Variants in EMID1 observed in about 807,000 individuals in gnomAD.
EMID1 encodes the protein EMI domain containing 1, also known as EMI domain-containing protein 1.
A neutral mutation model predicts 60.6 loss-of-function variants in EMID1; 40 were observed. The observed-to-expected ratio is 0.66, with a 90% CI of 0.51 to 0.86. EMID1 has a LOEUF of 0.86. Among genes scored for constraint, EMID1 ranks in the 40% least tolerant of loss-of-function variants. The probability of loss-of-function intolerance (pLI) is 0.00; values close to 1 mark genes in which losing one functional copy is unlikely to be tolerated. For missense variants in EMID1, 585 were observed against 597.1 expected (o/e 0.98, Z 0.21); for synonymous variants, 242 against 231.0 (o/e 1.05, Z -0.43).
chr22:29,243,604 A>G, intron 13 of EMID1, 115 bp downstream of exon 13: 3 of 1,214,380 alleles, frequency 2.5e-6, no homozygotes, highest in Non-Finnish European at 3.6e-6. Flanking sequence ...CATCCCCACT[A>G]CAGCCTGGTC....
intron 13 of EMID1, among the ~76,000 whole-genome samples, chr22:29,252,969 A>G (rs1158209121): frequency 2.6e-5 from 4 of 152,230 alleles, no homozygotes; most frequent in Admixed American, 6.5e-5. Context: ...CAAGTTCTCC[A>G]AAAGCAATGT....
At chr22:29,222,610 G>T (rs189099803) in intron 3 of EMID1, among the ~76,000 whole-genome samples, 2 of 150,658 alleles carry the variant, frequency 1.3e-5, no homozygotes, top group East Asian at 4.0e-4. Context: ...TGCCATGTTG[G>T]CCAGGCCGGT....
chr22:29,235,376 A>G (rs993096726), intron 12 of EMID1, among the ~76,000 whole-genome samples: 2 of 150,868 alleles, frequency 1.3e-5, no homozygotes, highest in Non-Finnish European at 2.9e-5. Flanking sequence ...AAAGTGCATC[A>G]TATGACTTGG....
chr22:29,221,922 T>C (rs1205526123), intron 3 of EMID1, among the ~76,000 whole-genome samples: 1 of 152,220 alleles, frequency 6.6e-6, no homozygotes, highest in Admixed American at 6.5e-5. Context: ...AATTTAAATT[T>C]GCAATTACTT....
At chr22:29,238,383 T>C (rs1224953239) in intron 12 of EMID1, among the ~76,000 whole-genome samples, 2 of 139,700 alleles carry the variant, frequency 1.4e-5, no homozygotes, top group African/African-American at 5.8e-5. Context: ...ACCTCTCGAG[T>C]AGCTGGGACT....
intron 12 of EMID1, among the ~76,000 whole-genome samples, chr22:29,239,823 G>C (rs551797869): frequency 6.7e-6 from 1 of 150,130 alleles, no homozygotes; most frequent in Admixed American, 6.7e-5. Flanking sequence ...GCAGTGGCTC[G>C]ATCTTGGCTC....
chr22:29,243,951 AATG>A (rs1434898974), intron 13 of EMID1, among the ~76,000 whole-genome samples: 1 of 152,230 alleles, frequency 6.6e-6, no homozygotes, highest in Non-Finnish European at 1.5e-5. Flanking sequence ...GGGGCCTAGA[AATG>A]ATGAGGTACA....
intron 14 of EMID1, among the ~76,000 whole-genome samples, chr22:29,257,116 A>G (rs2146487173): frequency 6.6e-6 from 1 of 152,258 alleles, no homozygotes; most frequent in African/African-American, 2.4e-5. Flanking sequence ...CTGACAGCCC[A>G]GGGAGAAAAG....
rs757843417 is a variant in EMID1, at chr22:29,215,601, C to G, written c.290C>G (p.Pro97Arg). The change falls in exon 3 of 15, where the codon CCT becomes CGT. Residue 97 changes from proline to arginine, a missense_variant. Coordinates refer to ENST00000334018, the MANE Select transcript of EMID1 (RefSeq NM_133455.4). ...IVTAREWRCC[P>R]GHSGVSCEEV... ...ACCGCCCGTGAGTGGAGGTGCTGCC[C>G]TGGGCACTCAGGAGTGAGCTGCGAG... 2 of 1,613,988 alleles carry G rather than the reference C, an allele frequency of 1.2e-6. No homozygotes were observed. The highest frequency in any genetic ancestry group is 1.7e-6 in the Non-Finnish European group (2 of 1,179,984).
chr22:29,218,976 A>T (rs929824802), intron 3 of EMID1, among the ~76,000 whole-genome samples: 1 of 152,096 alleles, frequency 6.6e-6, no homozygotes, highest in Non-Finnish European at 1.5e-5. Flanking sequence ...CTCCTGCAAT[A>T]ATCAGGACAA....
intron 13 of EMID1, among the ~76,000 whole-genome samples, chr22:29,250,992 A>C (rs940911194): frequency 3.3e-5 from 5 of 151,652 alleles, no homozygotes; most frequent in African/African-American, 9.7e-5. Context: ...ATCATGACTC[A>C]CTGCAGCCTC....
chr22:29,222,507 G>A (rs979378515), intron 3 of EMID1, among the ~76,000 whole-genome samples: 7 of 146,796 alleles, frequency 4.8e-5, no homozygotes, highest in Non-Finnish European at 3.0e-5. Context: ...AGGTTCAAGC[G>A]ATTCTCCTGC....
intron 3 of EMID1, chr22:29,216,529 C>T (rs1041677286): frequency 1.1e-5 from 11 of 985,346 alleles, no homozygotes; most frequent in African/African-American, 1.0e-4. Flanking sequence ...AGCACATGAA[C>T]GTGAACATCA....
rs748172215 is a variant in EMID1, at chr22:29,250,733, ATTTTTTTTTTTT to A, written c.1120-3446_1120-3435del. 7.9e-3 allele frequency among the ~76,000 whole-genome samples: 177 copies of A among 22,494 alleles called. 2 individuals carry two copies. Among genetic ancestry groups the A allele is most frequent in the African/African-American group, 0.025 (167 of 6,788 alleles). 14.8% of individuals were successfully genotyped at this position (22,494 alleles called of 152,430 possible). On this transcript the variant is annotated intron_variant, in intron 13 of 14. Coordinates refer to ENST00000334018, the MANE Select transcript of EMID1 (RefSeq NM_133455.4). ...AGGCATGCACCACCACACCCGGCTA[ATTTTTTTTTTTT>A]TTTTTTTTTTTTTTTTTTTTTTTAG...
intron 3 of EMID1, among the ~76,000 whole-genome samples, chr22:29,221,596 G>A (rs1377891301): frequency 6.6e-6 from 1 of 152,056 alleles, no homozygotes; most frequent in African/African-American, 2.4e-5. Flanking sequence ...GGATGGTCTC[G>A]ATCTCCTGAC....
rs903341354 is a variant in EMID1 at position 29,238,607 on chromosome 22, C to T, written c.1074+4258C>T. 1.2e-3 allele frequency among the ~76,000 whole-genome samples: 173 copies of T among 143,658 alleles called. 32 individuals carry two copies. The highest frequency in any genetic ancestry group is 4.7e-3 in the African/African-American group (169 of 36,270). The allele number at this position is 143,658 out of a possible 152,430, so 94.2% of individuals were successfully genotyped here. A position where few individuals can be genotyped will look rare whatever the true frequency, so the allele number is the denominator to read the frequency against. On this transcript the variant is annotated intron_variant, in intron 12 of 14. Coordinates refer to ENST00000334018, the MANE Select transcript of EMID1 (RefSeq NM_133455.4). ...TAATTTTTTGTATTTTTAGTAGAGA[C>T]AGGGTTTCACCATGTTGGCCAGGCT...
At chr22:29,228,091 G>T (rs1307829227) in intron 5 of EMID1, among the ~76,000 whole-genome samples, 1 of 151,644 alleles carries the variant, frequency 6.6e-6, no homozygotes, top group Non-Finnish European at 1.5e-5. Context: ...GGGAGGCAGA[G>T]GTTGCAGTGA....
At chr22:29,216,755 G>A (rs2040098323) in intron 3 of EMID1, 2 of 747,070 alleles carry the variant, frequency 2.7e-6, no homozygotes, top group African/African-American at 1.9e-5. Context: ...ACGGCCATGG[G>A]GATGGGGTTC....
chr22:29,240,899 G>A (rs1427796683), intron 12 of EMID1, among the ~76,000 whole-genome samples: 1 of 152,132 alleles, frequency 6.6e-6, no homozygotes, highest in Non-Finnish European at 1.5e-5. Context: ...CCTGGTGTTG[G>A]GTCCGATCAC....
Sources: allele counts gnomAD v4.1 joint callset (sites outside exome capture counted in the v4.1 genomes callset), GRCh38; gene constraint gnomAD v4.1.1; transcripts MANE v1.5; gene names NCBI Gene and HGNC (gene_info 2026-07-23, HGNC 2026-07-21).